Variants in NUMB observed in about 807,000 individuals in gnomAD.
NUMB encodes NUMB endocytic adaptor protein, also known as protein numb homolog.
In NUMB, 29 loss-of-function variants were observed where a neutral mutation model predicts 59.7. The observed-to-expected ratio is 0.49, with a 90% CI of 0.36 to 0.66. NUMB has a LOEUF of 0.66. Among genes scored for constraint, NUMB ranks in the 30% least tolerant of loss-of-function variants. The pLI is 0.00. For missense variants in NUMB, 723 were observed against 822.0 expected (o/e 0.88, Z 1.47); for synonymous variants, 288 against 288.2 (o/e 1.00, Z 0.01).
chr14:73,325,389 G>T lies in NUMB; in HGVS notation c.127-2185C>A, dbSNP rs558601564. 2.0e-5 allele frequency among the ~76,000 whole-genome samples: 3 copies of T among 152,182 alleles called. No homozygotes were observed. In the East Asian group the frequency reaches 5.8e-4, roughly 29 times the overall value. On this transcript the variant is annotated intron_variant, in intron 4 of 12. Transcript: ENST00000555238. Reference sequence around the variant, plus strand: ...GGATTGCTTAAGCCCAGGAGTCCAAGGCCGCAGTGAGCTATGATCACACCA... The same window carrying T: ...GGATTGCTTAAGCCCAGGAGTCCAATGCCGCAGTGAGCTATGATCACACCA...
intron 6 of NUMB, among the ~76,000 whole-genome samples, chr14:73,315,320 C>T (rs950790681): frequency 6.6e-5 from 10 of 152,132 alleles, no homozygotes; most frequent in Admixed American, 5.2e-4. Flanking sequence ...ATACTGTTAT[C>T]TAATGACAGT....
chr14:73,412,014 T>C (rs1896917461), intron 1 of NUMB, among the ~76,000 whole-genome samples: 1 of 142,964 alleles, frequency 7.0e-6, no homozygotes, highest in Admixed American at 7.8e-5. Flanking sequence ...AGTCTCAAAC[T>C]CCTGGGCTCA....
intron 12 of NUMB, 111 bp from the exon 13 acceptor site, chr14:73,277,404 G>T: frequency 1.2e-6 from 1 of 866,968 alleles, no homozygotes; most frequent in Non-Finnish European, 1.7e-6. Flanking sequence ...CCCCCCTAAT[G>T]GGACATTTTG....
Position 73,453,121 on chromosome 14 carries a change from GTTTC to G in NUMB, c.-233+5368_-233+5371del, listed in dbSNP as rs1234498997. 4.6e-5 allele frequency among the ~76,000 whole-genome samples: 7 copies of G among 151,606 alleles called. No individual in the cohort carries two copies. In the East Asian group the frequency reaches 1.2e-3, roughly 25 times the overall value. ...ATTTCGAAGTGCACTTTTTTTTATG[GTTTC>G]TTTTTGTTTTGTTTTGTTTTGTTTG... On this transcript the variant is annotated intron_variant, in intron 1 of 12. Coordinates refer to ENST00000555238, the MANE Select transcript of NUMB (RefSeq NM_001005743.2).
chr14:73,301,742 G>A (rs1890138987), intron 6 of NUMB, among the ~76,000 whole-genome samples: 1 of 150,552 alleles, frequency 6.6e-6, no homozygotes, highest in African/African-American at 2.4e-5. Context: ...AAAGTGCTGG[G>A]ATTACAGGTG....
chr14:73,285,456 TA>T (rs1446105429), intron 9 of NUMB: 1 of 152,160 alleles, frequency 6.6e-6, no homozygotes, highest in Non-Finnish European at 1.5e-5. Context: ...AATTTTCTAG[TA>T]CAGATAGCAT....
At chr14:73,422,522 A>T (rs536039095) in intron 1 of NUMB, among the ~76,000 whole-genome samples, 1 of 152,314 alleles carries the variant, frequency 6.6e-6, no homozygotes, top group Non-Finnish European at 1.5e-5. Flanking sequence ...TGAAACTAGG[A>T]AATTTATAAA....
At chr14:73,286,938 A>G in intron 9 of NUMB, 172 bp downstream of exon 9, 1 of 642,720 alleles carries the variant, frequency 1.6e-6, no homozygotes, top group Non-Finnish European at 2.7e-6. Context: ...TGAAGCCATT[A>G]AACTAGCCAC....
chr14:73,377,051 T>C (rs559512444), intron 2 of NUMB, among the ~76,000 whole-genome samples: 3 of 152,150 alleles, frequency 2.0e-5, no homozygotes, highest in African/African-American at 7.2e-5. Flanking sequence ...AGAACTTAGA[T>C]ATAGACCTTA....
At chr14:73,304,299 TTC>T (rs1890305250) in intron 6 of NUMB, among the ~76,000 whole-genome samples, 1 of 149,084 alleles carries the variant, frequency 6.7e-6, no homozygotes, top group South Asian at 2.1e-4. Flanking sequence ...AAACCACTGT[TTC>T]TTTCTTTCTT....
At chr14:73,316,826 T>C (rs1046069868) in intron 5 of NUMB, among the ~76,000 whole-genome samples, 1 of 152,254 alleles carries the variant, frequency 6.6e-6, no homozygotes, top group Non-Finnish European at 1.5e-5. Context: ...ACTGGTTCCA[T>C]ATACATTTTT....
chr14:73,295,488 G>A (rs1889714423), intron 7 of NUMB, among the ~76,000 whole-genome samples: 1 of 152,040 alleles, frequency 6.6e-6, no homozygotes, highest in Admixed American at 6.5e-5. Context: ...AACTACACAA[G>A]TTCCAAAAAA....
At chr14:73,446,468 G>C (rs576055422) in intron 1 of NUMB, among the ~76,000 whole-genome samples, 1 of 151,960 alleles carries the variant, frequency 6.6e-6, no homozygotes, top group Non-Finnish European at 1.5e-5. Flanking sequence ...TTAGCCAGGC[G>C]TGGTGGCACA....
chr14:73,372,894 A>G (rs961444214), intron 2 of NUMB, among the ~76,000 whole-genome samples: 1 of 152,138 alleles, frequency 6.6e-6, no homozygotes, highest in African/African-American at 2.4e-5. Flanking sequence ...CTTGAGTTTA[A>G]GAGTATACCA....
intron 1 of NUMB, among the ~76,000 whole-genome samples, chr14:73,427,307 A>G (rs2140162092): frequency 6.6e-6 from 1 of 152,136 alleles, no homozygotes; most frequent in Admixed American, 6.6e-5. Context: ...TTTTGTAAAA[A>G]TACAAAAATT....
At chr14:73,305,593 T>G (rs1890387481) in intron 6 of NUMB, among the ~76,000 whole-genome samples, 1 of 152,182 alleles carries the variant, frequency 6.6e-6, no homozygotes, top group African/African-American at 2.4e-5. Context: ...AAGCAGATGT[T>G]CTAATGTAAG....
chr14:73,314,735 T>G (rs556037268), intron 6 of NUMB, among the ~76,000 whole-genome samples: 137 of 152,096 alleles, frequency 9.0e-4, no homozygotes, highest in Non-Finnish European at 1.7e-3. Flanking sequence ...TTATCGTATA[T>G]AGCCTTATCT....
Position 73,375,968 on chromosome 14 carries a change from G to A in NUMB, c.-100-8987C>T, listed in dbSNP as rs76700344. Among the ~76,000 whole-genome samples, 440 of 152,232 alleles carry A rather than the reference G, an allele frequency of 2.9e-3. 2 individuals are homozygous for A. Among genetic ancestry groups the A allele is most frequent in the African/African-American group, 0.01 (425 of 41,544 alleles). ...ACAGCTACATCACACTTAATGGTGA[G>A]AAACTAGAAGCCTTCCCATTAAGAT... is the stretch of plus-strand genomic sequence containing the variant. On this transcript the variant is annotated intron_variant, in intron 2 of 12. Transcript: ENST00000555238.
At position 73,305,400 on chromosome 14, in the gene NUMB, CT is replaced by C. The variant is rs199983404; in HGVS notation, c.235-8116del. Among the ~76,000 whole-genome samples, 1,067 of 149,134 alleles carry C rather than the reference CT, an allele frequency of 7.2e-3. 4 individuals carry two copies. The highest frequency in any genetic ancestry group is 0.03 in the South Asian group (143 of 4,712). ...GGAACTGTGTCCCCGAATTCATTTT[CT>C]TTTTTTTTTCTGACAAATGTATTTA... On this transcript the variant is annotated intron_variant, in intron 6 of 12. Transcript: ENST00000555238.
Sources: allele counts gnomAD v4.1 joint callset (sites outside exome capture counted in the v4.1 genomes callset), GRCh38; gene constraint gnomAD v4.1.1; transcripts MANE v1.5; gene names NCBI Gene and HGNC (gene_info 2026-07-23, HGNC 2026-07-21).